The following HSF1 variants were observed in gnomAD, a reference collection of about 807,000 sequenced individuals.
The protein encoded by HSF1 is heat shock factor protein 1.
In HSF1, 32 loss-of-function variants were observed where a neutral mutation model predicts 51.7. The observed-to-expected ratio is 0.62, with a 90% CI of 0.47 to 0.83. HSF1 has a LOEUF of 0.83. Ranked by LOEUF, HSF1 falls within the 40% of genes least tolerant of loss-of-function variation. HSF1 has a pLI of 0.00. For synonymous variants in HSF1, 396 were observed against 309.7 expected, an observed-to-expected ratio of 1.28 and a Z score of -2.92; for missense variants, 727 against 717.0, an observed-to-expected ratio of 1.01 and a Z score of -0.16.
chr8:144,309,037 G>T (rs1554843779), intron 2 of HSF1, 23 bp downstream of exon 2: 7 of 1,554,292 alleles, frequency 4.5e-6, no homozygotes, highest in Non-Finnish European at 6.2e-6. Flanking sequence ...TCCAGGCAGC[G>T]CAGGGGTGCG....
At chr8:144,296,821 A>G (rs1332062134) in intron 1 of HSF1, among the ~76,000 whole-genome samples, 1 of 144,296 alleles carries the variant, frequency 6.9e-6, no homozygotes, top group Non-Finnish European at 1.5e-5. Context: ...AAAAAAAAAA[A>G]GAAGGCACAC....
At chr8:144,311,643 G>C (rs2130443928) in intron 7 of HSF1, 42 bp downstream of exon 7, 1 of 1,611,896 alleles carries the variant, frequency 6.2e-7, no homozygotes, top group Non-Finnish European at 8.5e-7. Context: ...CATGCAGGCG[G>C]CAGTGGGGTG....
chr8:144,293,756 C>A (rs1375228559), intron 1 of HSF1, among the ~76,000 whole-genome samples: 2 of 151,268 alleles, frequency 1.3e-5, no homozygotes, highest in Non-Finnish European at 2.9e-5. Context: ...TTTTCTTATT[C>A]CCCTTAATCC....
Position 144,314,313 on chromosome 8 carries a change from G to A in HSF1, c.1573G>A (p.Asp525Asn). 2 of 1,550,248 alleles carry A rather than the reference G, an allele frequency of 1.3e-6. No individual in the cohort carries two copies. The highest frequency in any genetic ancestry group is 1.7e-6 in the Non-Finnish European group (2 of 1,146,892). ...LTGSEPPKAK[D>N]PTVS ...AGGCTCGGAGCCTCCCAAAGCCAAGGACCCCACTGTCTCCTAGAGGCCCCG... is the reference window on the plus strand; with the variant it reads ...AGGCTCGGAGCCTCCCAAAGCCAAGAACCCCACTGTCTCCTAGAGGCCCCG... The change falls in exon 13 of 13, where the codon GAC becomes AAC. Residue 525 changes from aspartate (D) to asparagine (N), a missense_variant. By Grantham distance (23) the Asp-to-Asn change is conservative. This residue lies in a region of HSF1 where 470 missense variants were observed against 398.8 expected (regional missense o/e 1.18). Transcript: ENST00000528838.
At chr8:144,309,946 A>C in intron 4 of HSF1, 50 bp downstream of exon 4, 18 of 1,380,062 alleles carry the variant, frequency 1.3e-5, no homozygotes, top group Middle Eastern at 2.2e-4. Context: ...GGCGCCCACC[A>C]AGAGGCCCCG....
At chr8:144,313,418 G>T in intron 9 of HSF1, 93 bp from the exon 10 acceptor site, 1 of 823,830 alleles carries the variant, frequency 1.2e-6, no homozygotes. Context: ...TGCAGCCTGG[G>T]GGGTACAGTC....
intron 1 of HSF1, among the ~76,000 whole-genome samples, chr8:144,305,537 G>A (rs1178751841): frequency 3.3e-5 from 5 of 152,022 alleles, no homozygotes; most frequent in African/African-American, 7.2e-5. Context: ...TCTTGACCTC[G>A]TGATCCAACC....
At chr8:144,294,376 C>A (rs1417359703) in intron 1 of HSF1, among the ~76,000 whole-genome samples, 1 of 152,170 alleles carries the variant, frequency 6.6e-6, no homozygotes, top group Non-Finnish European at 1.5e-5. Context: ...AGCTGGCTCT[C>A]GGAGGCCTTG....
intron 1 of HSF1, among the ~76,000 whole-genome samples, chr8:144,294,077 G>A (rs1480553908): frequency 6.6e-6 from 1 of 152,058 alleles, no homozygotes; most frequent in Admixed American, 6.6e-5. Context: ...CAACTGGAAT[G>A]TGAGTGTTTG....
intron 1 of HSF1, among the ~76,000 whole-genome samples, chr8:144,296,967 G>A (rs897061421): frequency 3.9e-5 from 6 of 152,160 alleles, no homozygotes; most frequent in Non-Finnish European, 7.3e-5. Flanking sequence ...GCACAGAAGG[G>A]CTGAGCTGCA....
rs782145950 is a variant in HSF1, at chr8:144,311,427, C to G, written c.626+45C>G. 4 of 1,612,392 alleles carry G rather than the reference C, an allele frequency of 2.5e-6. No homozygotes were observed. The South Asian group carries it at 4.4e-5, about 18-fold the overall frequency. On this transcript the variant is annotated intron_variant, in intron 6 of 12. Coordinates refer to ENST00000528838, the MANE Select transcript of HSF1 (RefSeq NM_005526.4). ...TGCATCCACCACCCGGGGCCCAGGG[C>G]TGTCCCCCTTCTCTGTCAGCTGTGC...
intron 1 of HSF1, among the ~76,000 whole-genome samples, chr8:144,296,719 A>C (rs1815487096): frequency 6.6e-6 from 1 of 151,798 alleles, no homozygotes; most frequent in Admixed American, 6.6e-5. Flanking sequence ...AGGCAGGAGA[A>C]CGGCGTGAAC....
chr8:144,300,365 C>T (rs779853742), intron 1 of HSF1, among the ~76,000 whole-genome samples: 26 of 152,034 alleles, frequency 1.7e-4, no homozygotes, highest in Non-Finnish European at 3.1e-4. Flanking sequence ...TACAGGCACC[C>T]GCCACCTCGC....
chr8:144,295,877 T>C (rs1478206071), intron 1 of HSF1, among the ~76,000 whole-genome samples: 1 of 152,176 alleles, frequency 6.6e-6, no homozygotes, highest in Non-Finnish European at 1.5e-5. Context: ...GCATTCCTTT[T>C]TAAGACCTAC....
intron 2 of HSF1, 105 bp from the exon 3 acceptor site, chr8:144,309,350 C>A: frequency 6.6e-7 from 1 of 1,512,756 alleles, no homozygotes; most frequent in Admixed American, 1.8e-5. Flanking sequence ...AGGGCAGGGT[C>A]TGACCATGGC....
In HSF1 at chr8:144,311,555, G is replaced by C; in HGVS notation, c.677G>C (p.Ser226Thr). The change falls in exon 7 of 13, where the codon AGC becomes ACC. Residue 226 changes from serine (S) to threonine (T), a missense_variant. Ser to Thr is a moderately conservative substitution (Grantham distance 58). Coordinates refer to ENST00000528838, the MANE Select transcript of HSF1 (RefSeq NM_005526.4). ...SGSAHSMPKY[S>T]RQFSLEHVHG... ...TCAGCACATTCCATGCCCAAGTATAGCCGGCAGTTCTCCCTGGAGCACGTC... is the reference window on the plus strand; with the variant it reads ...TCAGCACATTCCATGCCCAAGTATACCCGGCAGTTCTCCCTGGAGCACGTC... 1 of 1,613,738 alleles carries C rather than the reference G, an allele frequency of 6.2e-7. No homozygotes were observed. Among genetic ancestry groups the C allele is most frequent in the Non-Finnish European group, 8.5e-7 (1 of 1,179,982 alleles).
At chr8:144,313,964 A>G (rs1476002149) in intron 11 of HSF1, 21 bp from the exon 12 acceptor site, 2 of 1,610,302 alleles carry the variant, frequency 1.2e-6, no homozygotes, top group Non-Finnish European at 1.7e-6. Context: ...GAGTGCTCAC[A>G]ATACCGTCTC....
intron 1 of HSF1, among the ~76,000 whole-genome samples, chr8:144,300,612 C>T (rs1446311596): frequency 2.0e-5 from 3 of 152,172 alleles, no homozygotes; most frequent in African/African-American, 7.2e-5. Flanking sequence ...AAACATCAAA[C>T]AAATCCAAAT....
intron 9 of HSF1, chr8:144,313,059 T>A: frequency 2.3e-6 from 1 of 444,016 alleles, no homozygotes; most frequent in Non-Finnish European, 4.2e-6. Flanking sequence ...AGGTGTGCCC[T>A]GTGGCCTAGG....
Sources: allele counts gnomAD v4.1 joint callset (sites outside exome capture counted in the v4.1 genomes callset), GRCh38; gene constraint gnomAD v4.1.1; regional missense constraint gnomAD v4.1.1; transcripts MANE v1.5; gene names NCBI Gene and HGNC (gene_info 2026-07-23, HGNC 2026-07-21).